The following CCDC102B variants were observed in gnomAD, a reference collection of about 807,000 sequenced individuals.
The protein encoded by CCDC102B is coiled-coil domain-containing protein 102B.
A neutral mutation model predicts 57.4 loss-of-function variants in CCDC102B; 75 were observed. The ratio of observed to expected loss-of-function variants is 1.31; its 90% CI spans 1.08 to 1.58. CCDC102B has a LOEUF of 1.58. Ranked by LOEUF, CCDC102B falls within the 40% of genes most tolerant of loss-of-function variation. The pLI, the probability that CCDC102B is intolerant of heterozygous loss-of-function variation, is 0.00. For missense variants in CCDC102B, 636 were observed against 582.6 expected (o/e 1.09, Z -0.94); for synonymous variants, 206 against 201.9 (o/e 1.02, Z -0.17).
At chr18:68,818,323 T>G (rs990635727) in intron 1 of CCDC102B, among the ~76,000 whole-genome samples, 1 of 152,218 alleles carries the variant, frequency 6.6e-6, no homozygotes, top group African/African-American at 2.4e-5. Flanking sequence ...AGCTAGAAAT[T>G]TGGAAAGACA....
At position 68,948,748 on chromosome 18, in the gene CCDC102B, A is replaced by G. The variant is rs959057749; in HGVS notation, c.1263+51320A>G. ...AGAATCAACAGCTTTTCTGTCATAC[A>G]TATTTAGTGAATACCTGGCCATACA... On this transcript the variant is annotated intron_variant, in intron 6 of 7. Transcript: ENST00000360242. Among the ~76,000 whole-genome samples the G allele has an allele frequency of 5.9e-5, 9 of 152,100 alleles. No individual in the cohort carries two copies. The East Asian group carries it at 1.7e-3, about 29-fold the overall frequency.
At chr18:69,027,698 A>G (rs2052030245) in intron 7 of CCDC102B, among the ~76,000 whole-genome samples, 1 of 152,126 alleles carries the variant, frequency 6.6e-6, no homozygotes, top group South Asian at 2.1e-4. Flanking sequence ...GGCAAACCAG[A>G]ATTAATTTAT....
chr18:68,785,808 G>C (rs1182030046), intron 2 of CCDC102B, among the ~76,000 whole-genome samples: 2 of 151,452 alleles, frequency 1.3e-5, no homozygotes, highest in Non-Finnish European at 3.0e-5. Flanking sequence ...AGTTTCTTTT[G>C]CTGTGCAGAA....
intron 7 of CCDC102B, among the ~76,000 whole-genome samples, chr18:69,043,544 G>C (rs1224375388): frequency 6.6e-6 from 1 of 152,024 alleles, no homozygotes; most frequent in Non-Finnish European, 1.5e-5. Context: ...TGTGTCCCTG[G>C]GTACTTGAGA....
chr18:69,036,542 C>T (rs1487981654), intron 7 of CCDC102B, among the ~76,000 whole-genome samples: 1 of 152,014 alleles, frequency 6.6e-6, no homozygotes, highest in African/African-American at 2.4e-5. Context: ...TTATAGCCTA[C>T]TTGCTTGGCA....
intron 2 of CCDC102B, among the ~76,000 whole-genome samples, chr18:68,777,583 C>T (rs2034865295): frequency 6.6e-6 from 1 of 152,046 alleles, no homozygotes; most frequent in Non-Finnish European, 1.5e-5. Flanking sequence ...AAATCTTTTT[C>T]TTGGCATGGG....
intron 6 of CCDC102B, among the ~76,000 whole-genome samples, chr18:68,907,616 A>G (rs1814622258): frequency 6.6e-6 from 1 of 152,174 alleles, no homozygotes; most frequent in Admixed American, 6.5e-5. Context: ...TAGAAGCACA[A>G]CTAATTTTTG....
At chr18:68,881,483 G>C (rs913240030) in intron 5 of CCDC102B, among the ~76,000 whole-genome samples, 2 of 152,166 alleles carry the variant, frequency 1.3e-5, no homozygotes, top group African/African-American at 4.8e-5. Flanking sequence ...ATATTATTCT[G>C]GGTGTGTCTG....
At chr18:69,036,920 T>C (rs890356451) in intron 7 of CCDC102B, among the ~76,000 whole-genome samples, 1 of 151,922 alleles carries the variant, frequency 6.6e-6, no homozygotes, top group African/African-American at 2.4e-5. Context: ...TCGATTGAAG[T>C]TATCAAATAG....
At chr18:68,834,469 A>C (rs941854324) in intron 1 of CCDC102B, among the ~76,000 whole-genome samples, 1 of 125,968 alleles carries the variant, frequency 7.9e-6, no homozygotes, top group Non-Finnish European at 1.8e-5. Context: ...TGTGTTTCTA[A>C]TTAAGAGTTC....
At chr18:69,019,056 T>C (rs958606223) in intron 7 of CCDC102B, among the ~76,000 whole-genome samples, 2 of 152,118 alleles carry the variant, frequency 1.3e-5, no homozygotes, top group African/African-American at 4.8e-5. Context: ...TATTGATGGG[T>C]TCATTTCTGG....
chr18:68,812,071 A>G (rs2036287244), intron 1 of CCDC102B, among the ~76,000 whole-genome samples: 1 of 152,234 alleles, frequency 6.6e-6, no homozygotes, highest in Non-Finnish European at 1.5e-5. Context: ...TTTTACCATT[A>G]CAAATCAGTG....
chr18:68,764,235 C>T (rs1176531814), intron 2 of CCDC102B, among the ~76,000 whole-genome samples: 2 of 152,092 alleles, frequency 1.3e-5, no homozygotes, highest in Non-Finnish European at 2.9e-5. Flanking sequence ...TTTATTCCAG[C>T]TGCTCCATAT....
intron 6 of CCDC102B, among the ~76,000 whole-genome samples, chr18:68,956,244 G>A (rs1195626395): frequency 6.9e-6 from 1 of 144,624 alleles, no homozygotes; most frequent in Admixed American, 7.3e-5. Context: ...CCAAATCTTG[G>A]CTATTGTAAA....
chr18:68,900,852 G>A (rs2040425700), intron 6 of CCDC102B, among the ~76,000 whole-genome samples: 1 of 152,108 alleles, frequency 6.6e-6, no homozygotes, highest in South Asian at 2.1e-4. Flanking sequence ...GAAAATCTAA[G>A]TGTCATACAA....
chr18:68,836,958 CA>C lies in CCDC102B; in HGVS notation c.198del (p.Lys66AsnfsTer60), dbSNP rs2037406105. On this transcript the variant is annotated frameshift_variant, in exon 2 of 8. Transcript: ENST00000360242. LOFTEE classifies it high-confidence loss of function. ...TCTGTGCTCACTCATATAACACCAA[CA>C]AATGGGATATTTGTGAAGAACTTCG... ...NFCAHSYNTNKWDICEELRLR... is the reference protein window; with the variant it reads ...NFCAHSYNTNXWDICEELRLR... 1 of 1,614,050 alleles carries C rather than the reference CA, an allele frequency of 6.2e-7. No individual in the cohort carries two copies. Among genetic ancestry groups the C allele is most frequent in the Non-Finnish European group, 8.5e-7 (1 of 1,180,050 alleles).
At chr18:68,715,228 C>T (rs964977424), upstream of CCDC102B, 46 of 1,353,376 alleles carry the variant, frequency 3.4e-5, no homozygotes, top group African/African-American at 4.6e-5. Context: ...GAATCCTTTG[C>T]GCTCTCGGTG....
rs34947733 is a variant in CCDC102B, at chr18:69,028,632, G to GACAC, written c.1434+17546_1434+17549dup. Among the ~76,000 whole-genome samples the GACAC allele has an allele frequency of 5.2e-3, 785 of 149,606 alleles. 6 individuals are homozygous for GACAC. The highest frequency in any genetic ancestry group is 0.018 in the African/African-American group (732 of 40,830). ...CTGTTTGCAGAATATGGGCTTCTTT[G>GACAC]ACACACACACACACACACACAAAAT... On this transcript the variant is annotated intron_variant, in intron 7 of 7. Coordinates refer to ENST00000360242, the MANE Select transcript of CCDC102B (RefSeq NM_024781.3).
chr18:68,785,863 T>C (rs2035189730), intron 2 of CCDC102B, among the ~76,000 whole-genome samples: 2 of 150,770 alleles, frequency 1.3e-5, no homozygotes, highest in South Asian at 4.2e-4. Flanking sequence ...TTGGCTTTTG[T>C]TGCCATTGCT....
Sources: gnomAD v4.1 joint callset for allele counts (sites outside exome capture counted in the v4.1 genomes callset) on GRCh38, gnomAD v4.1.1 for gene constraint, MANE v1.5 for transcripts, NCBI Gene and HGNC (gene_info 2026-07-23, HGNC 2026-07-21) for gene names.